MFSD8: variants seen among roughly 807,000 people sequenced by gnomAD.
MFSD8 encodes major facilitator superfamily domain-containing protein 8.
A neutral mutation model predicts 66.4 loss-of-function variants in MFSD8; 55 were observed. That is an observed-to-expected ratio of 0.83 (90% CI 0.67 to 1.04). The LOEUF is 1.04. Among genes scored for constraint, MFSD8 ranks in the 50% least tolerant of loss-of-function variants. MFSD8 has a pLI of 0.00. For missense variants in MFSD8, 550 were observed against 627.6 expected (o/e 0.88, Z 1.32); for synonymous variants, 202 against 212.8 (o/e 0.95, Z 0.44).
intron 1 of MFSD8, among the ~76,000 whole-genome samples, chr4:127,961,820 CAAAAA>C (rs4000711): frequency 2.5e-5 from 2 of 80,568 alleles, no homozygotes; most frequent in African/African-American, 1.2e-4. Context: ...GACTCCGTCT[CAAAAA>C]AAAAAAAAAA....
chr4:127,964,309 C>T (rs1048939457), intron 1 of MFSD8, among the ~76,000 whole-genome samples: 4 of 152,342 alleles, frequency 2.6e-5, no homozygotes, highest in African/African-American at 9.6e-5. Context: ...CGGGGAGGCT[C>T]GGGCCGCACA....
intron 3 of MFSD8, among the ~76,000 whole-genome samples, chr4:127,944,596 A>G (rs1168438227): frequency 1.3e-5 from 2 of 152,234 alleles, no homozygotes; most frequent in Admixed American, 6.5e-5. Flanking sequence ...ACTACAACTC[A>G]GAAAATAAAA....
intron 1 of MFSD8, among the ~76,000 whole-genome samples, chr4:127,960,869 A>G (rs1743623500): frequency 6.6e-6 from 1 of 152,170 alleles, no homozygotes; most frequent in African/African-American, 2.4e-5. Flanking sequence ...TAACAAACCT[A>G]TATTATACTT....
intron 1 of MFSD8, among the ~76,000 whole-genome samples, chr4:127,964,009 G>A (rs1348707389): frequency 6.6e-6 from 1 of 152,198 alleles, no homozygotes; most frequent in Non-Finnish European, 1.5e-5. Flanking sequence ...GATACAGAGT[G>A]TCGACTGGTG....
rs1203968913 is a variant in MFSD8, at chr4:127,918,763, T to G, written c.*1867A>C. 1 of 152,190 alleles carries G rather than the reference T, an allele frequency of 6.6e-6. No individual in the cohort carries two copies. The highest frequency in any genetic ancestry group is 1.5e-5 in the Non-Finnish European group (1 of 68,028). The allele number at this position is 152,190 out of a possible 1,614,324, so 9.4% of individuals were successfully genotyped here. A position where few individuals can be genotyped will look rare whatever the true frequency, so the allele number is the denominator to read the frequency against. ...CTGTAAAACGGGAATCATAATAGTA[T>G]TTTCACTCCATAAGACTGCTGTAAG... is the stretch of plus-strand genomic sequence containing the variant. On this transcript the variant is annotated 3_prime_UTR_variant, in exon 12 of 12. Coordinates refer to ENST00000641686, the MANE Select transcript of MFSD8 (RefSeq NM_001371596.2).
chr4:127,920,674 T>G lies in MFSD8; in HGVS notation c.1513A>C (p.Arg505=), dbSNP rs776622815. 6.5e-5 allele frequency: 105 copies of G among 1,613,926 alleles called. No individual in the cohort carries two copies. Among genetic ancestry groups the G allele is most frequent in the Non-Finnish European group, 8.5e-5 (100 of 1,180,020 alleles). ...TATCTTACAGAAAGAGCAATGAGTC[T>G]TTTGTAAACCACTCCCAGGAGGGTG... ...TITLLGVVYK[R]LIALSVRYGR... The change falls in exon 12 of 12, where the codon AGA becomes CGA. Residue 505 remains arginine (R), a synonymous_variant. Coordinates refer to ENST00000641686, the MANE Select transcript of MFSD8 (RefSeq NM_001371596.2).
intron 1 of MFSD8, among the ~76,000 whole-genome samples, chr4:127,963,408 C>T (rs1290704910): frequency 6.6e-6 from 1 of 152,228 alleles, no homozygotes; most frequent in Non-Finnish European, 1.5e-5. Flanking sequence ...GGTTCTTGGT[C>T]TCACTGACTT....
chr4:127,954,953 A>T, intron 2 of MFSD8, among the ~76,000 whole-genome samples: 1 of 152,248 alleles, frequency 6.6e-6, no homozygotes, highest in East Asian at 1.9e-4. Flanking sequence ...CACTAGGATG[A>T]CTACTATCCA....
At chr4:127,960,202 T>C (rs769244681) in intron 1 of MFSD8, among the ~76,000 whole-genome samples, 10 of 152,090 alleles carry the variant, frequency 6.6e-5, no homozygotes, top group Non-Finnish European at 1.0e-4. Flanking sequence ...CACAATATAG[T>C]GGAGTGAACT....
At chr4:127,954,756 G>A (rs1432282628) in intron 2 of MFSD8, among the ~76,000 whole-genome samples, 1 of 152,182 alleles carries the variant, frequency 6.6e-6, no homozygotes, top group African/African-American at 2.4e-5. Context: ...TGGATAAGGG[G>A]CTAACATTCA....
chr4:127,948,660 T>A (rs1467113540), intron 3 of MFSD8, among the ~76,000 whole-genome samples: 1 of 152,168 alleles, frequency 6.6e-6, no homozygotes, highest in Non-Finnish European at 1.5e-5. Flanking sequence ...AACAATTGGA[T>A]CATGAAGGCT....
chr4:127,964,655 C>G (rs927332605), intron 1 of MFSD8: 10 of 225,880 alleles, frequency 4.4e-5, no homozygotes, highest in Admixed American at 3.2e-4. Flanking sequence ...GAGCCGGCTC[C>G]CACCTTGGCC....
chr4:127,948,171 C>A (rs187531385), intron 3 of MFSD8, among the ~76,000 whole-genome samples: 1 of 152,172 alleles, frequency 6.6e-6, no homozygotes, highest in African/African-American at 2.4e-5. Context: ...ATGAACAGGG[C>A]AGGAGAGGTC....
intron 1 of MFSD8, among the ~76,000 whole-genome samples, chr4:127,963,640 G>A (rs1265928708): frequency 6.6e-6 from 1 of 152,208 alleles, no homozygotes; most frequent in Non-Finnish European, 1.5e-5. Flanking sequence ...TGGTCTCGCT[G>A]GCTTCAGGAG....
In MFSD8 at chr4:127,921,972, G is replaced by A. The variant is rs1201748409; in HGVS notation, c.999-9C>T. Reference sequence around the variant, plus strand: ...TAGCACGCTCGCCAATCCTGTTAAAGAACAGAAACTCTGTAATTTTAAAAT... The same window carrying A: ...TAGCACGCTCGCCAATCCTGTTAAAAAACAGAAACTCTGTAATTTTAAAAT... On this transcript the variant is annotated splice_polypyrimidine_tract_variant and intron_variant, in intron 9 of 11. Coordinates refer to ENST00000641686, the MANE Select transcript of MFSD8 (RefSeq NM_001371596.2). 6.2e-7 allele frequency: 1 copy of A among 1,608,052 alleles called. No individual in the cohort carries two copies. The highest frequency in any genetic ancestry group is 1.7e-5 in the Admixed American group (1 of 59,898).
At chr4:127,960,411 C>A (rs748725294) in intron 1 of MFSD8, among the ~76,000 whole-genome samples, 5 of 151,852 alleles carry the variant, frequency 3.3e-5, no homozygotes, top group Admixed American at 2.6e-4. Flanking sequence ...ATGCCTGTAG[C>A]CCCAGCTACT....
chr4:127,958,458 C>CT (rs202212795), intron 1 of MFSD8, among the ~76,000 whole-genome samples: 44 of 149,574 alleles, frequency 2.9e-4, no homozygotes, highest in Non-Finnish European at 4.5e-4. Flanking sequence ...AAAAAAGAAA[C>CT]TTTTTTTTTT....
chr4:127,920,558 G>GC lies in MFSD8; in HGVS notation c.*71dup, dbSNP rs1157162778. The stretch of plus-strand genomic sequence containing the variant: ...TCTGATTCTTGGAGACTGGCTCACC[G>GC]CAATTGTCTAGCAGAGCTTTAGACC... On this transcript the variant is annotated 3_prime_UTR_variant, in exon 12 of 12. Transcript: ENST00000641686. 2.0e-6 allele frequency: 3 copies of GC among 1,480,680 alleles called. No homozygotes were observed. The highest frequency in any genetic ancestry group is 2.8e-6 in the Non-Finnish European group (3 of 1,063,234). 91.7% of individuals were successfully genotyped at this position (1,480,680 alleles called of 1,614,324 possible).
intron 3 of MFSD8, among the ~76,000 whole-genome samples, chr4:127,947,860 G>A (rs930832278): frequency 8.2e-6 from 1 of 122,278 alleles, no homozygotes; most frequent in African/African-American, 3.1e-5. Flanking sequence ...ATATGCACGT[G>A]TGAACACACA....
Sources: gnomAD v4.1 joint callset for allele counts (sites outside exome capture counted in the v4.1 genomes callset) on GRCh38, gnomAD v4.1.1 for gene constraint, MANE v1.5 for transcripts, NCBI Gene and HGNC (gene_info 2026-07-23, HGNC 2026-07-21) for gene names.